KDR: variants seen among roughly 807,000 people sequenced by gnomAD.
KDR encodes kinase insert domain receptor, also known as vascular endothelial growth factor receptor 2.
Under a neutral mutation model 160.9 loss-of-function variants are expected in KDR, and 43 were observed. The observed-to-expected ratio is 0.27, with a 90% confidence interval of 0.21 to 0.34. KDR has a LOEUF of 0.34. KDR is among the 10% of genes least tolerant of loss of function. The pLI, the probability that KDR is intolerant of heterozygous loss-of-function variation, is 1.00. For synonymous variants in KDR, 617 were observed against 600.1 expected, an observed-to-expected ratio of 1.03 and a Z score of -0.41; for missense variants, 1,469 against 1,666.4, an observed-to-expected ratio of 0.88 and a Z score of 2.06.
In KDR at chr4:55,118,740, C is replaced by T. The variant is rs756120012; in HGVS notation, c.222G>A (p.Val74=). The change falls in exon 3 of 30, where the codon GTG becomes GTA. Residue 74 remains valine (V), a synonymous_variant. Coordinates refer to ENST00000263923, the MANE Select transcript of KDR (RefSeq NM_002253.4). ...PNNQSGSEQR[V]EVTECSDGLF... ...GGCCATCGCTGCACTCAGTCACCTC[C>T]ACCCTTTGCTCACTGCCACTCTGAT... The T allele has an allele frequency of 4.3e-6, 7 of 1,614,176 alleles. No individual in the cohort carries two copies. The Admixed American group carries it at 1.0e-4, about 23-fold the overall frequency.
In KDR at chr4:55,107,901, T is replaced by C; in HGVS notation, c.1256-8A>G. Reference sequence around the variant, plus strand: ...CACCAATCTGGGGTGGGACTGAAGATGGGAAAAACAACTTTTGAATTGTCA... The same window carrying C: ...CACCAATCTGGGGTGGGACTGAAGACGGGAAAAACAACTTTTGAATTGTCA... On this transcript the variant is annotated splice_polypyrimidine_tract_variant and splice_region_variant and intron_variant, in intron 9 of 29. Transcript: ENST00000263923. The C allele has an allele frequency of 1.9e-6, 3 of 1,613,772 alleles. No homozygotes were observed. Among genetic ancestry groups the C allele is most frequent in the South Asian group, 1.1e-5 (1 of 91,082 alleles).
At position 55,079,618 on chromosome 4, in the gene KDR, C is replaced by T; in HGVS notation, c.*323G>A. 2.3e-6 allele frequency: 1 copy of T among 437,096 alleles called. No homozygotes were observed. Among genetic ancestry groups the T allele is most frequent in the African/African-American group, 1.9e-5 (1 of 51,468 alleles). The allele number at this position is 437,096 out of a possible 1,614,324, so 27.1% of individuals were successfully genotyped here. A position where few individuals can be genotyped will look rare whatever the true frequency, so the allele number is the denominator to read the frequency against. ...GTCAGCTCCCCAGGTACTGCTACTTCTTTGAGGATGGGGCCATTTCTTGAA... is the reference window on the plus strand; with the variant it reads ...GTCAGCTCCCCAGGTACTGCTACTTTTTTGAGGATGGGGCCATTTCTTGAA... On this transcript the variant is annotated 3_prime_UTR_variant, in exon 30 of 30. Coordinates refer to ENST00000263923, the MANE Select transcript of KDR (RefSeq NM_002253.4).
At position 55,094,885 on chromosome 4, in the gene KDR, A is replaced by G. The variant is rs762329111; in HGVS notation, c.2888T>C (p.Leu963Ser). The change falls in exon 21 of 30, where the codon TTG (leucine) becomes TCG (serine). Residue 963 changes from leucine to serine, a missense_variant. Leu to Ser is a moderately radical substitution (Grantham distance 145, BLOSUM62 -2). Around this residue, in one of 7 missense-constraint regions of KDR, gnomAD observed 151 missense variants for 207.2 expected, o/e 0.73. Transcript: ENST00000263923. ...GCTCTGGCTACTGGTGATGCTGTCC[A>G]AGCGCCGTTTCAGATCCACAGGGAT... The part of the protein sequence containing the change: ...GAIPVDLKRR[L>S]DSITSSQSSA... 6.2e-7 allele frequency: 1 copy of G among 1,613,960 alleles called. No individual in the cohort carries two copies. Among genetic ancestry groups the G allele is most frequent in the Non-Finnish European group, 8.5e-7 (1 of 1,179,880 alleles).
At position 55,110,639 on chromosome 4, in the gene KDR, A is replaced by G. The variant is rs1443266831; in HGVS notation, c.1091+15T>C. ...TCACACGAAATGATGCTTTGCATTT[A>G]TTTCCAGTAGTTACCATTTTATTTC... is the stretch of plus-strand genomic sequence containing the variant. On this transcript the variant is annotated intron_variant, in intron 8 of 29. Coordinates refer to ENST00000263923, the MANE Select transcript of KDR (RefSeq NM_002253.4). 9 of 1,613,016 alleles carry G rather than the reference A, an allele frequency of 5.6e-6. No individual in the cohort carries two copies. Among genetic ancestry groups the G allele is most frequent in the Non-Finnish European group, 7.6e-6 (9 of 1,179,046 alleles).
rs972393492 is a variant in KDR at position 55,107,827 on chromosome 4, T to C, written c.1322A>G (p.Gln441Arg). Residue 441 changes from glutamine (Q) to arginine (R), a missense_variant, in exon 10 of 30, where the codon CAA becomes CGA. Gln to Arg is a conservative substitution (Grantham distance 43). Around this residue, in one of 7 missense-constraint regions of KDR, gnomAD observed 792 missense variants for 840.9 expected, o/e 0.94. Coordinates refer to ENST00000263923, the MANE Select transcript of KDR (RefSeq NM_002253.4). ...GGCATAGACCGTACATGTCAGCGTT[T>C]GAGTGGTGCCGTACTGGTAGGAATC... Reference protein sequence around the residue: ...PVDSYQYGTTQTLTCTVYAIP... With the variant: ...PVDSYQYGTTRTLTCTVYAIP... The C allele has an allele frequency of 2.5e-6, 4 of 1,613,898 alleles. No homozygotes were observed. The highest frequency in any genetic ancestry group is 3.4e-6 in the Non-Finnish European group (4 of 1,179,922).
rs778816654 is a variant in KDR at position 55,080,058 on chromosome 4, C to G, written c.3954G>C (p.Val1318=). 8 of 1,614,184 alleles carry G rather than the reference C, an allele frequency of 5.0e-6. No homozygotes were observed. Among genetic ancestry groups the G allele is most frequent in the Middle Eastern group, 3.3e-4 (2 of 6,050 alleles). The change falls in exon 30 of 30, where the codon GTG becomes GTC. Residue 1318 remains valine, a synonymous_variant. Transcript: ENST00000263923. ...GYHSDDTDTT[V]YSSEEAELLK... ...AAAGTTCTGCTTCCTCACTGGAGTA[C>G]ACGGTGGTGTCTGTGTCATCGGAGT...
chr4:55,113,859 A>G (rs752675695), intron 6 of KDR, among the ~76,000 whole-genome samples: 1 of 152,210 alleles, frequency 6.6e-6, no homozygotes, highest in Non-Finnish European at 1.5e-5. Flanking sequence ...GGAAAGATGT[A>G]ATCACCTAGA....
chr4:55,092,443 C>T, intron 22 of KDR, 174 bp downstream of exon 22: 1 of 654,342 alleles, frequency 1.5e-6, no homozygotes, highest in South Asian at 1.7e-5. Context: ...TTCATGAACT[C>T]CTTAACCACT....
chr4:55,082,626 C>G lies in KDR; in HGVS notation c.3672G>C (p.Leu1224=), dbSNP rs2110005986. The G allele has an allele frequency of 6.2e-7, 1 of 1,612,994 alleles. No homozygotes were observed. Among genetic ancestry groups the G allele is most frequent in the African/African-American group, 1.3e-5 (1 of 75,020 alleles). ...GCCGGCTCTTTCGCTTACTGTTCTG[C>G]AGATACTGACTGCAAAAGAACAAAT... ...YDNTAGISQY[L]QNSKRKSRPV... is the part of the protein sequence containing the mutation. Residue 1224 remains leucine (L), a synonymous_variant, in exon 28 of 30, where the codon CTG becomes CTC. Transcript: ENST00000263923.
At chr4:55,092,424 C>A in intron 22 of KDR, 193 bp downstream of exon 22, 1 of 605,820 alleles carries the variant, frequency 1.7e-6, no homozygotes, top group Non-Finnish European at 3.0e-6. Flanking sequence ...CTTTATTATA[C>A]AGCTTAATTT....
At chr4:55,081,788 CT>C (rs1332551261) in intron 29 of KDR, among the ~76,000 whole-genome samples, 167 bp downstream of exon 29, 1 of 152,212 alleles carries the variant, frequency 6.6e-6, no homozygotes, top group Non-Finnish European at 1.5e-5. Context: ...AGATTTATCA[CT>C]TAATTTTATT....
chr4:55,092,990 C>A (rs559592613), intron 21 of KDR, among the ~76,000 whole-genome samples: 3 of 152,212 alleles, frequency 2.0e-5, no homozygotes, highest in Non-Finnish European at 4.4e-5. Flanking sequence ...CCTAGATAAT[C>A]TGGGAAATAA....
At chr4:55,102,768 C>CT (rs1182408241) in intron 13 of KDR, among the ~76,000 whole-genome samples, 4 of 152,060 alleles carry the variant, frequency 2.6e-5, no homozygotes, top group Non-Finnish European at 5.9e-5. Context: ...TCAGGGTCAC[C>CT]TTTATGGATT....
At chr4:55,094,655 G>C in intron 21 of KDR, 147 bp downstream of exon 21, 2 of 820,198 alleles carry the variant, frequency 2.4e-6, no homozygotes, top group Non-Finnish European at 2.1e-6. Context: ...AGACAGAATG[G>C]AGGCAGTCTA....
chr4:55,106,228 C>T lies in KDR; in HGVS notation c.1537-288G>A, dbSNP rs949910247. Among the ~76,000 whole-genome samples the T allele has an allele frequency of 1.1e-4, 16 of 152,070 alleles. No individual in the cohort carries two copies. The East Asian group carries it at 1.2e-3, about 11-fold the overall frequency. ...AATCTGAAAATCCAAAATGCTCCAA[C>T]GAGCGTTTCCTTTGAGCACCATGTC... is the stretch of plus-strand genomic sequence containing the variant. On this transcript the variant is annotated intron_variant, in intron 11 of 29. Coordinates refer to ENST00000263923, the MANE Select transcript of KDR (RefSeq NM_002253.4).
In KDR at chr4:55,080,080, G is replaced by A; in HGVS notation, c.3932C>T (p.Ser1311Phe). The change falls in exon 30 of 30, where the codon TCC becomes TTC. Residue 1311 changes from serine to phenylalanine, a missense_variant. Around this residue, in one of 7 missense-constraint regions of KDR, gnomAD observed 229 missense variants for 197.8 expected, o/e 1.16. Transcript: ENST00000263923. ...QTSGYQSGYH[S>F]DDTDTTVYSS... ...GTACACGGTGGTGTCTGTGTCATCG[G>A]AGTGATATCCGGACTGGTAGCCGCT... 6.2e-7 allele frequency: 1 copy of A among 1,614,090 alleles called. No individual in the cohort carries two copies. The highest frequency in any genetic ancestry group is 8.5e-7 in the Non-Finnish European group (1 of 1,180,014).
At chr4:55,100,424 C>T (rs919848292) in intron 15 of KDR, among the ~76,000 whole-genome samples, 1 of 152,064 alleles carries the variant, frequency 6.6e-6, no homozygotes, top group Admixed American at 6.6e-5. Context: ...ATTTGGGAAC[C>T]CAGCAGGAGT....
intron 19 of KDR, 112 bp downstream of exon 19, chr4:55,096,117 A>C (rs964454580): frequency 4.5e-5 from 31 of 690,640 alleles, no homozygotes; most frequent in Non-Finnish European, 6.8e-5. Context: ...AGGAATCCGC[A>C]AAGTATTCTA....
At chr4:55,123,820 T>C (rs1382168794) in intron 1 of KDR, among the ~76,000 whole-genome samples, 1 of 152,232 alleles carries the variant, frequency 6.6e-6, no homozygotes, top group Non-Finnish European at 1.5e-5. Flanking sequence ...ACAGTGCCTC[T>C]GTCTCTAGAA....
Sources: allele counts gnomAD v4.1 joint callset (sites outside exome capture counted in the v4.1 genomes callset), GRCh38; gene constraint gnomAD v4.1.1; regional missense constraint gnomAD v4.1.1; transcripts MANE v1.5; gene names NCBI Gene and HGNC (gene_info 2026-07-23, HGNC 2026-07-21).